AUTS2: variants seen among roughly 807,000 people sequenced by gnomAD.
AUTS2 encodes activator of transcription and developmental regulator AUTS2.
In AUTS2, 17 loss-of-function variants were observed where a neutral mutation model predicts 112.4. The observed-to-expected ratio is 0.15, with a 90% CI of 0.10 to 0.23. The LOEUF (loss-of-function observed/expected upper bound fraction) is 0.23, where lower values mean the gene tolerates loss of function less well. Among genes scored for constraint, AUTS2 ranks in the 10% least tolerant of loss-of-function variants. The pLI is 1.00. For synonymous variants in AUTS2, 751 were observed against 702.7 expected (o/e 1.07, Z -1.09); for missense variants, 1,510 against 1,701.6 (o/e 0.89, Z 1.98).
intron 4 of AUTS2, among the ~76,000 whole-genome samples, chr7:70,266,073 C>T (rs1787408044): frequency 6.6e-6 from 1 of 152,146 alleles, no homozygotes; most frequent in African/African-American, 2.4e-5. Flanking sequence ...ATACATGTTT[C>T]TACAAAACCT....
At chr7:70,115,151 C>T (rs1159468238) in intron 2 of AUTS2, among the ~76,000 whole-genome samples, 4 of 152,168 alleles carry the variant, frequency 2.6e-5, no homozygotes, top group African/African-American at 7.2e-5. Flanking sequence ...ACGTCAGGTC[C>T]ACTGAAGTCT....
chr7:69,809,323 C>T (rs968845310), intron 1 of AUTS2, among the ~76,000 whole-genome samples: 2 of 152,102 alleles, frequency 1.3e-5, no homozygotes, highest in Non-Finnish European at 2.9e-5. Flanking sequence ...CGTGATCTGC[C>T]CGCCTTGGCC....
chr7:70,141,404 T>G (rs1229615197), intron 4 of AUTS2, among the ~76,000 whole-genome samples: 2 of 152,100 alleles, frequency 1.3e-5, no homozygotes, highest in Admixed American at 1.3e-4. Context: ...AGGAAAATGG[T>G]GAGTTTGGAA....
At chr7:70,684,594 TGTG>T (rs941186312) in intron 5 of AUTS2, among the ~76,000 whole-genome samples, 8 of 147,206 alleles carry the variant, frequency 5.4e-5, no homozygotes, top group Admixed American at 3.4e-4. Context: ...CGTGGCATGT[TGTG>T]GTATGGTGTG....
At chr7:70,136,553 T>C (rs1202262397) in intron 4 of AUTS2, among the ~76,000 whole-genome samples, 1 of 152,208 alleles carries the variant, frequency 6.6e-6, no homozygotes, top group Non-Finnish European at 1.5e-5. Context: ...TGGGCACAAC[T>C]TACATTAGTT....
At chr7:70,456,750 CT>C (rs1796756492) in intron 5 of AUTS2, among the ~76,000 whole-genome samples, 1 of 152,240 alleles carries the variant, frequency 6.6e-6, no homozygotes. Context: ...ATCCCCAGCC[CT>C]TCAATCCCAC....
At chr7:70,157,054 G>A (rs1189384059) in intron 4 of AUTS2, among the ~76,000 whole-genome samples, 1 of 151,380 alleles carries the variant, frequency 6.6e-6, no homozygotes, top group Admixed American at 6.6e-5. Flanking sequence ...TCCAGCCCGG[G>A]TGACACAGTG....
intron 4 of AUTS2, among the ~76,000 whole-genome samples, chr7:70,142,924 G>T (rs1251228453): frequency 6.6e-6 from 1 of 152,106 alleles, no homozygotes; most frequent in Non-Finnish European, 1.5e-5. Flanking sequence ...AATTCCGGAG[G>T]TTTACTCTGA....
intron 2 of AUTS2, among the ~76,000 whole-genome samples, chr7:69,989,486 A>G (rs901354923): frequency 3.3e-5 from 5 of 152,000 alleles, no homozygotes; most frequent in African/African-American, 1.2e-4. Flanking sequence ...AGCCTGACAC[A>G]TAAGAGTTAC....
chr7:70,633,610 CAAAAAAAAA>C, intron 5 of AUTS2, among the ~76,000 whole-genome samples: 1 of 104,870 alleles, frequency 9.5e-6, no homozygotes, highest in Admixed American at 1.1e-4. Flanking sequence ...GACTCCGTCT[CAAAAAAAAA>C]AAAAAAAAAA....
intron 6 of AUTS2, among the ~76,000 whole-genome samples, chr7:70,703,702 T>C (rs1420312845): frequency 6.6e-6 from 1 of 152,198 alleles, no homozygotes; most frequent in Non-Finnish European, 1.5e-5. Flanking sequence ...ATTTCCGATG[T>C]GCACAAGAGC....
At chr7:70,661,050 T>C (rs901491317) in intron 5 of AUTS2, among the ~76,000 whole-genome samples, 2 of 151,980 alleles carry the variant, frequency 1.3e-5, no homozygotes, top group Non-Finnish European at 2.9e-5. Context: ...TTATTTGTCT[T>C]TCTCCCCTAC....
intron 5 of AUTS2, among the ~76,000 whole-genome samples, chr7:70,477,411 C>T (rs1217777271): frequency 6.6e-6 from 1 of 152,110 alleles, no homozygotes; most frequent in African/African-American, 2.4e-5. Context: ...CAGAACTAGT[C>T]GTGGAAGTCA....
Position 70,790,487 on chromosome 7 carries a change from G to A in AUTS2, c.3271G>A (p.Gly1091Ser), listed in dbSNP as rs1180084203. The change falls in exon 19 of 19, where the codon GGC becomes AGC. Residue 1091 changes from glycine (G) to serine (S), a missense_variant. Around this residue, in one of 3 missense-constraint regions of AUTS2, gnomAD observed 788 missense variants for 797.6 expected, o/e 0.99. Transcript: ENST00000342771. This position sits in a 1 kb window ranked among gnomAD's most constrained non-coding sequence, Gnocchi z 7.6. ...TGACATTCACCGGAGAGACCCGCTG[G>A]GCAGGGACTTCCTGCTAAGGAACGA... ...ELDIHRRDPL[G>S]RDFLLRNDPL... is the part of the protein sequence containing the mutation. 2 of 1,612,546 alleles carry A rather than the reference G, an allele frequency of 1.2e-6. No individual in the cohort carries two copies. The highest frequency in any genetic ancestry group is 1.3e-5 in the African/African-American group (1 of 74,878).
intron 2 of AUTS2, among the ~76,000 whole-genome samples, chr7:70,111,061 A>G (rs1287511659): frequency 2.0e-5 from 3 of 149,778 alleles, no homozygotes; most frequent in Non-Finnish European, 3.0e-5. Context: ...TTGTATTTTT[A>G]GTAGAGACGG....
At chr7:69,773,875 A>AG (rs1788780065) in intron 1 of AUTS2, among the ~76,000 whole-genome samples, 1 of 152,244 alleles carries the variant, frequency 6.6e-6, no homozygotes, top group African/African-American at 2.4e-5. Flanking sequence ...AGTGGGGCTA[A>AG]GGGGAATCCC....
chr7:70,013,412 G>C (rs1799892087), intron 2 of AUTS2, among the ~76,000 whole-genome samples: 1 of 152,172 alleles, frequency 6.6e-6, no homozygotes, highest in African/African-American at 2.4e-5. Flanking sequence ...ATCGCTTTTA[G>C]CTTTCCTACA....
chr7:70,227,579 C>T (rs1054940377), intron 4 of AUTS2, among the ~76,000 whole-genome samples: 5 of 152,030 alleles, frequency 3.3e-5, no homozygotes, highest in African/African-American at 1.2e-4. Context: ...TCTTCCTTTC[C>T]AACATAGGTG....
At chr7:70,317,148 T>C (rs1790033969) in intron 4 of AUTS2, 1 of 152,190 alleles carries the variant, frequency 6.6e-6, no homozygotes, top group South Asian at 2.1e-4. Flanking sequence ...GATCCTTGTT[T>C]ATCTTTTTCT....
Sources: allele counts gnomAD v4.1 joint callset (sites outside exome capture counted in the v4.1 genomes callset), GRCh38; gene constraint gnomAD v4.1.1; regional missense constraint gnomAD v4.1.1; non-coding constraint Gnocchi (gnomAD v3.1); transcripts MANE v1.5; gene names NCBI Gene and HGNC (gene_info 2026-07-23, HGNC 2026-07-21).